The following GALNTL6 variants were observed in gnomAD, a reference collection of about 807,000 sequenced individuals.
GALNTL6 encodes the protein polypeptide N-acetylgalactosaminyltransferase like 6.
A neutral mutation model predicts 73.7 loss-of-function variants in GALNTL6; 46 were observed. The observed-to-expected ratio is 0.62, with a 90% CI of 0.49 to 0.80. The LOEUF is 0.80. Among genes scored for constraint, GALNTL6 ranks in the 30% least tolerant of loss-of-function variants. The pLI, the probability that GALNTL6 is intolerant of heterozygous loss-of-function variation, is 0.00. For missense variants in GALNTL6, 604 were observed against 755.0 expected, an observed-to-expected ratio of 0.80 and a Z score of 2.34; for synonymous variants, 259 against 263.7, an observed-to-expected ratio of 0.98 and a Z score of 0.17.
chr4:172,348,653 G>A lies in GALNTL6; in HGVS notation c.517G>A (p.Ala173Thr). Residue 173 changes from alanine (A) to threonine (T), a missense_variant, in exon 5 of 13, where the codon GCA becomes ACA. Physicochemically the swap from Ala to Thr is moderately conservative, Grantham distance 58 (BLOSUM62 0). Around this residue, in one of 5 missense-constraint regions of GALNTL6, gnomAD observed 179 missense variants for 230.8 expected, o/e 0.78. Coordinates refer to ENST00000506823, the MANE Select transcript of GALNTL6 (RefSeq NM_001034845.3). ...IINRTPGSLI[A>T]EIILVDDFSE... The stretch of plus-strand genomic sequence containing the variant: ...TAACCGAACCCCAGGGAGTCTGATA[G>A]CAGAAATCATTCTAGTAGATGACTT... The A allele has an allele frequency of 6.2e-7, 1 of 1,611,538 alleles. No homozygotes were observed. The highest frequency in any genetic ancestry group is 8.5e-7 in the Non-Finnish European group (1 of 1,178,592).
intron 5 of GALNTL6, among the ~76,000 whole-genome samples, chr4:172,462,547 G>A (rs1025033288): frequency 3.9e-5 from 6 of 152,088 alleles, no homozygotes; most frequent in South Asian, 4.1e-4. Flanking sequence ...TAAACTTTTC[G>A]CTCCTTAGGG....
intron 2 of GALNTL6, among the ~76,000 whole-genome samples, chr4:172,182,921 T>C (rs1282740919): frequency 2.0e-5 from 3 of 152,264 alleles, no homozygotes; most frequent in African/African-American, 4.8e-5. Context: ...TAGGGTATTA[T>C]ATAATTCAAA....
At chr4:172,311,036 T>C (rs1048936237) in intron 3 of GALNTL6, among the ~76,000 whole-genome samples, 1 of 152,106 alleles carries the variant, frequency 6.6e-6, no homozygotes, top group Admixed American at 6.6e-5. Flanking sequence ...ATGAGGAATA[T>C]ATATTTTACT....
At chr4:171,903,280 G>A (rs1737159177) in intron 2 of GALNTL6, among the ~76,000 whole-genome samples, 1 of 152,076 alleles carries the variant, frequency 6.6e-6, no homozygotes, top group Admixed American at 6.5e-5. Context: ...AGGTCAGTGG[G>A]TGCGCGCACC....
chr4:172,791,473 C>T (rs1325859149), intron 5 of GALNTL6, among the ~76,000 whole-genome samples: 5 of 152,128 alleles, frequency 3.3e-5, no homozygotes, highest in Admixed American at 3.3e-4. Flanking sequence ...TGGTTTATAA[C>T]TTTAAAATAA....
chr4:172,341,110 T>G (rs1249516378), intron 4 of GALNTL6, among the ~76,000 whole-genome samples: 1 of 152,194 alleles, frequency 6.6e-6, no homozygotes, highest in African/African-American at 2.4e-5. Flanking sequence ...AATTGTATCC[T>G]GTTTCTGAAA....
At chr4:172,408,434 A>T (rs991776391) in intron 5 of GALNTL6, among the ~76,000 whole-genome samples, 2 of 152,074 alleles carry the variant, frequency 1.3e-5, no homozygotes, top group African/African-American at 4.8e-5. Context: ...ATATAAGCAA[A>T]ATAAATTTAA....
chr4:172,610,767 C>T (rs1738496115), intron 5 of GALNTL6, among the ~76,000 whole-genome samples: 1 of 152,008 alleles, frequency 6.6e-6, no homozygotes, highest in Non-Finnish European at 1.5e-5. Context: ...GATGATCTGT[C>T]TAATACTGTC....
At chr4:171,919,962 G>A (rs1257105757) in intron 2 of GALNTL6, among the ~76,000 whole-genome samples, 2 of 152,148 alleles carry the variant, frequency 1.3e-5, no homozygotes, top group Non-Finnish European at 2.9e-5. Flanking sequence ...GCACACGTAC[G>A]TTTATTGCGG....
intron 5 of GALNTL6, among the ~76,000 whole-genome samples, chr4:172,442,781 T>G (rs990324186): frequency 5.9e-5 from 9 of 152,148 alleles, no homozygotes; most frequent in African/African-American, 2.2e-4. Context: ...TGATGTGCTA[T>G]TTGCCATTAA....
At chr4:171,994,572 A>G (rs536723512) in intron 2 of GALNTL6, among the ~76,000 whole-genome samples, 3 of 152,166 alleles carry the variant, frequency 2.0e-5, no homozygotes, top group African/African-American at 7.2e-5. Context: ...TACATTGTAC[A>G]CTGCTCGAGT....
At position 172,924,548 on chromosome 4, in the gene GALNTL6, T is replaced by C. The variant is rs113595519; in HGVS notation, c.1042-6613T>C. Among the ~76,000 whole-genome samples, 799 of 152,248 alleles carry C rather than the reference T, an allele frequency of 5.2e-3. 10 individuals are homozygous for C. The highest frequency in any genetic ancestry group is 0.018 in the African/African-American group (754 of 41,548). ...CCAAATCTGGGGGCTCAGTGTGAGTTAAGCTGAAATCTGGAAAATATAGAG... is the reference window on the plus strand; with the variant it reads ...CCAAATCTGGGGGCTCAGTGTGAGTCAAGCTGAAATCTGGAAAATATAGAG... On this transcript the variant is annotated intron_variant, in intron 8 of 12. Transcript: ENST00000506823.
At chr4:172,940,082 T>C (rs777625704) in intron 9 of GALNTL6, among the ~76,000 whole-genome samples, 20 of 152,020 alleles carry the variant, frequency 1.3e-4, no homozygotes, top group Non-Finnish European at 2.8e-4. Flanking sequence ...AGCAAATTGC[T>C]GGCAGGTACA....
chr4:172,477,714 A>G (rs1477690493), intron 5 of GALNTL6, among the ~76,000 whole-genome samples: 2 of 152,166 alleles, frequency 1.3e-5, no homozygotes, highest in African/African-American at 4.8e-5. Context: ...AGAGTAAACA[A>G]TTACATTTAT....
intron 5 of GALNTL6, among the ~76,000 whole-genome samples, chr4:172,775,678 T>G (rs1739033525): frequency 6.6e-6 from 1 of 152,190 alleles, no homozygotes; most frequent in South Asian, 2.1e-4. Context: ...TGTTTATGCC[T>G]TTTTGTTTTG....
At chr4:172,978,556 C>A (rs1451249162) in intron 10 of GALNTL6, among the ~76,000 whole-genome samples, 1 of 152,110 alleles carries the variant, frequency 6.6e-6, no homozygotes, top group African/African-American at 2.4e-5. Context: ...AGCCTGTGCA[C>A]CCCAAGAAAA....
intron 5 of GALNTL6, among the ~76,000 whole-genome samples, chr4:172,429,719 G>GA (rs984688406): frequency 6.6e-6 from 1 of 152,088 alleles, no homozygotes; most frequent in African/African-American, 2.4e-5. Flanking sequence ...GTCTTACTTA[G>GA]AAGAAGATAA....
At chr4:172,072,727 T>C (rs1731581135) in intron 2 of GALNTL6, among the ~76,000 whole-genome samples, 1 of 152,188 alleles carries the variant, frequency 6.6e-6, no homozygotes, top group African/African-American at 2.4e-5. Flanking sequence ...CAAAATATAT[T>C]TCATACTTTA....
chr4:172,001,987 A>C (rs1189709360), intron 2 of GALNTL6, among the ~76,000 whole-genome samples: 1 of 151,870 alleles, frequency 6.6e-6, no homozygotes, highest in East Asian at 1.9e-4. Context: ...CACATTTAAA[A>C]CTCCCCAAGC....
Sources: gnomAD v4.1 joint callset for allele counts (sites outside exome capture counted in the v4.1 genomes callset) on GRCh38, gnomAD v4.1.1 for gene constraint, gnomAD v4.1.1 regional missense constraint, MANE v1.5 for transcripts, NCBI Gene and HGNC (gene_info 2026-07-23, HGNC 2026-07-21) for gene names.